The following LRRC7 variants were observed in gnomAD, a reference collection of about 807,000 sequenced individuals.
LRRC7 encodes leucine-rich repeat-containing protein 7.
A neutral mutation model predicts 175.7 loss-of-function variants in LRRC7; 23 were observed. The ratio of observed to expected loss-of-function variants is 0.13; its 90% CI spans 0.09 to 0.19. The LOEUF is 0.19. Among genes scored for constraint, LRRC7 ranks in the 10% least tolerant of loss-of-function variants. LRRC7 has a pLI of 1.00. For synonymous variants in LRRC7, 685 were observed against 680.9 expected, an observed-to-expected ratio of 1.01 and a Z score of -0.09; for missense variants, 1,354 against 1,904.7, an observed-to-expected ratio of 0.71 and a Z score of 5.38.
In LRRC7 at chr1:69,951,483, G is replaced by A. The variant is rs118185469; in HGVS notation, c.711+19913G>A. Among the ~76,000 whole-genome samples the A allele has an allele frequency of 1.8e-4, 28 of 152,134 alleles. No homozygotes were observed. The East Asian group carries it at 5.4e-3, about 29-fold the overall frequency. On this transcript the variant is annotated intron_variant, in intron 8 of 26. Coordinates refer to ENST00000651989, the MANE Select transcript of LRRC7 (RefSeq NM_001370785.2). ...AAATCATTCTGCCATGAAGCCACAT[G>A]CATGCAAATGTTCATTGCAGCGCAG...
intron 6 of LRRC7, among the ~76,000 whole-genome samples, chr1:69,835,100 G>A (rs1043559270): frequency 8.6e-5 from 13 of 151,102 alleles, no homozygotes; most frequent in African/African-American, 3.2e-4. Context: ...TAAAGAGTTG[G>A]ATATAAAAAA....
intron 1 of LRRC7, among the ~76,000 whole-genome samples, chr1:69,612,796 C>A (rs894039837): frequency 6.6e-6 from 1 of 151,652 alleles, no homozygotes; most frequent in African/African-American, 2.4e-5. Context: ...ATTCTATATT[C>A]AATATATTAT....
chr1:70,070,607 G>A (rs1162944807), intron 23 of LRRC7, among the ~76,000 whole-genome samples: 1 of 152,108 alleles, frequency 6.6e-6, no homozygotes, highest in Non-Finnish European at 1.5e-5. Flanking sequence ...CTCCAGTTGG[G>A]GAAGGGTGGG....
chr1:69,975,542 GA>G (rs1430614311), intron 8 of LRRC7, among the ~76,000 whole-genome samples: 2 of 151,876 alleles, frequency 1.3e-5, no homozygotes, highest in African/African-American at 2.4e-5. Flanking sequence ...TCCTGGCCCA[GA>G]AAAAAAGTTA....
chr1:69,923,612 G>A (rs1330033331), intron 7 of LRRC7, among the ~76,000 whole-genome samples: 1 of 152,206 alleles, frequency 6.6e-6, no homozygotes, highest in Non-Finnish European at 1.5e-5. Flanking sequence ...TTTCAGAAGT[G>A]TCTGTTCATG....
intron 7 of LRRC7, among the ~76,000 whole-genome samples, chr1:69,887,650 G>A (rs1007949120): frequency 1.8e-4 from 28 of 152,098 alleles, no homozygotes; most frequent in African/African-American, 5.1e-4. Flanking sequence ...GCTTTGTTCC[G>A]TTGCTGGTGA....
intron 7 of LRRC7, among the ~76,000 whole-genome samples, chr1:69,888,170 T>C (rs1356611532): frequency 6.6e-6 from 1 of 151,206 alleles, no homozygotes; most frequent in Non-Finnish European, 1.5e-5. Flanking sequence ...CTGGCTGCTT[T>C]GTTTACCTAA....
chr1:69,602,161 CAG>C (rs1305081595), intron 1 of LRRC7, among the ~76,000 whole-genome samples: 1 of 152,176 alleles, frequency 6.6e-6, no homozygotes. Flanking sequence ...GAACAGAACC[CAG>C]ATGCTCTGTC....
intron 1 of LRRC7, among the ~76,000 whole-genome samples, chr1:69,618,236 T>C (rs1649998047): frequency 6.6e-6 from 1 of 152,178 alleles, no homozygotes; most frequent in Admixed American, 6.6e-5. Context: ...GTGCCTTTCT[T>C]GAGGGCTACC....
intron 22 of LRRC7, among the ~76,000 whole-genome samples, chr1:70,047,327 T>C (rs1166103585): frequency 1.3e-5 from 2 of 152,104 alleles, no homozygotes; most frequent in African/African-American, 4.8e-5. Flanking sequence ...AAGGAATCTG[T>C]TTTCACCTGT....
intron 8 of LRRC7, among the ~76,000 whole-genome samples, chr1:69,954,670 A>G (rs1650306092): frequency 6.6e-6 from 1 of 152,108 alleles, no homozygotes; most frequent in African/African-American, 2.4e-5. Context: ...GTGAATTCAA[A>G]TATAAGATAA....
Position 69,568,273 on chromosome 1 carries a change from T to TCCGCCACCG in LRRC7, c.-361_-353dup, listed in dbSNP as rs1553167164. On this transcript the variant is annotated 5_prime_UTR_variant, in exon 1 of 27. Coordinates refer to ENST00000651989, the MANE Select transcript of LRRC7 (RefSeq NM_001370785.2). ...CTGGGGGCGGGGAGGGAGCTGCGCC[T>TCCGCCACCG]CCGCCACCGCCGCCGCCGCCGCCGC... The TCCGCCACCG allele has an allele frequency of 3.3e-5, 7 of 209,044 alleles. No homozygotes were observed. Among genetic ancestry groups the TCCGCCACCG allele is most frequent in the Admixed American group, 1.9e-4 (3 of 15,648 alleles). The allele number at this position is 209,044 out of a possible 1,614,324, so 12.9% of individuals were successfully genotyped here.
chr1:69,698,754 T>C (rs1662950359), intron 2 of LRRC7, among the ~76,000 whole-genome samples: 2 of 152,252 alleles, frequency 1.3e-5, no homozygotes, highest in African/African-American at 4.8e-5. Flanking sequence ...TGCCTTGATA[T>C]CATTAATTCA....
chr1:69,697,224 T>C (rs1387812601), intron 2 of LRRC7, among the ~76,000 whole-genome samples: 2 of 152,216 alleles, frequency 1.3e-5, no homozygotes, highest in Non-Finnish European at 2.9e-5. Context: ...ATAAGAAAAC[T>C]AAAACATGCC....
intron 14 of LRRC7, among the ~76,000 whole-genome samples, 172 bp downstream of exon 14, chr1:70,016,706 A>C (rs1239251081): frequency 1.3e-5 from 2 of 152,202 alleles, no homozygotes; most frequent in African/African-American, 2.4e-5. Flanking sequence ...TGCTGAAGTC[A>C]AAACAGTACT....
Position 69,924,369 on chromosome 1 carries a change from A to G in LRRC7, c.648-7138A>G, listed in dbSNP as rs548966859. Among the ~76,000 whole-genome samples, 598 of 152,308 alleles carry G rather than the reference A, an allele frequency of 3.9e-3. 3 individuals carry two copies. The highest frequency in any genetic ancestry group is 0.013 in the African/African-American group (553 of 41,568). On this transcript the variant is annotated intron_variant, in intron 7 of 26. Transcript: ENST00000651989. ...TCATTGGTAGCTTGATGGGGATGGC[A>G]TTGAATCTATAAATTACCTTGGGCA...
chr1:69,796,842 G>C (rs1675844647), intron 4 of LRRC7, among the ~76,000 whole-genome samples: 1 of 151,750 alleles, frequency 6.6e-6, no homozygotes, highest in Non-Finnish European at 1.5e-5. Context: ...CATTTCAGAT[G>C]TCATTTACTC....
chr1:69,865,469 C>CTTTTTTTTTTTCTTTTTT (rs1684822903), intron 7 of LRRC7, among the ~76,000 whole-genome samples: 1 of 51,262 alleles, frequency 2.0e-5, no homozygotes, highest in African/African-American at 8.1e-5. Context: ...AAGACAGTTC[C>CTTTTTTTTTTTCTTTTTT]TTTTTTTTTT....
At chr1:69,858,871 G>A (rs1028240187) in intron 7 of LRRC7, among the ~76,000 whole-genome samples, 19 of 152,004 alleles carry the variant, frequency 1.2e-4, no homozygotes, top group African/African-American at 4.3e-4. Flanking sequence ...TCAATGCCTA[G>A]AATCTTGTCT....
Sources: allele counts gnomAD v4.1 joint callset (sites outside exome capture counted in the v4.1 genomes callset), GRCh38; gene constraint gnomAD v4.1.1; transcripts MANE v1.5; gene names NCBI Gene and HGNC (gene_info 2026-07-23, HGNC 2026-07-21).